Variants in SOX6 observed in about 807,000 individuals in gnomAD.
SOX6 encodes the protein transcription factor SOX-6.
Under a neutral mutation model 97.8 loss-of-function variants are expected in SOX6, and 11 were observed. The observed-to-expected ratio is 0.11, with a 90% CI of 0.07 to 0.19. SOX6 has a LOEUF of 0.19. Ranked by LOEUF, SOX6 falls within the 10% of genes least tolerant of loss-of-function variation. The pLI is 1.00. For synonymous variants in SOX6, 360 were observed against 371.4 expected, an observed-to-expected ratio of 0.97 and a Z score of 0.35; for missense variants, 810 against 1,039.5, an observed-to-expected ratio of 0.78 and a Z score of 3.04.
intron 1 of SOX6, among the ~76,000 whole-genome samples, chr11:16,475,843 G>A (rs1234720184): frequency 1.3e-5 from 2 of 152,050 alleles, no homozygotes; most frequent in African/African-American, 2.4e-5. Context: ...AATAAAACGA[G>A]GTATGCCTGT....
rs80141882 is a variant in SOX6, at chr11:15,978,591, C to T, written c.2184-5479G>A. On this transcript the variant is annotated intron_variant, in intron 15 of 15. Coordinates refer to ENST00000683767, the MANE Select transcript of SOX6 (RefSeq NM_001367873.1). ...GCACCGAAGTCCCCATGGATTGAGT[C>T]CTTGCTTCTTCTCTTCTCTATCTAA... 6.4e-3 allele frequency among the ~76,000 whole-genome samples: 965 copies of T among 151,478 alleles called. 5 individuals are homozygous for T. The highest frequency in any genetic ancestry group is 0.01 in the Non-Finnish European group (681 of 67,894).
intron 6 of SOX6, among the ~76,000 whole-genome samples, chr11:16,150,043 A>G (rs1302984227): frequency 6.6e-6 from 1 of 152,196 alleles, no homozygotes; most frequent in African/African-American, 2.4e-5. Flanking sequence ...TTATCTAGTT[A>G]CTTAATTCTA....
intron 3 of SOX6, among the ~76,000 whole-genome samples, chr11:16,277,665 C>A (rs1854439266): frequency 2.0e-5 from 3 of 152,204 alleles, no homozygotes; most frequent in Admixed American, 2.0e-4. Flanking sequence ...CCTATAGCTG[C>A]TCCAAAGACT....
At chr11:16,518,462 C>A (rs145576426) in intron 4 of SOX6, among the ~76,000 whole-genome samples, 1 of 152,136 alleles carries the variant, frequency 6.6e-6, no homozygotes, top group Admixed American at 6.5e-5. Context: ...CTTTATATTA[C>A]AATAATTTAT....
intron 3 of SOX6, among the ~76,000 whole-genome samples, chr11:16,252,983 T>A (rs1853561791): frequency 6.6e-6 from 1 of 152,138 alleles, no homozygotes; most frequent in African/African-American, 2.4e-5. Flanking sequence ...ACGGTTCCTT[T>A]TACCCAGTAC....
Position 16,481,981 on chromosome 11 carries a change from C to T in SOX6, n.610-5593G>A, listed in dbSNP as rs554709722. 2.0e-5 allele frequency among the ~76,000 whole-genome samples: 3 copies of T among 152,164 alleles called. No individual in the cohort carries two copies. The East Asian group carries it at 5.8e-4, about 29-fold the overall frequency. ...AAAAAGAGAGAGAAAACTAACATTGCTTTACATCTTTGCAAATCTCTCAAA... is the reference window on the plus strand; with the variant it reads ...AAAAAGAGAGAGAAAACTAACATTGTTTTACATCTTTGCAAATCTCTCAAA... On this transcript the variant is annotated intron_variant and non_coding_transcript_variant, in intron 4 of 5. Transcript: ENST00000524520.
intron 4 of SOX6, among the ~76,000 whole-genome samples, chr11:16,497,040 G>A (rs117563748): frequency 0.019 from 2,874 of 152,204 alleles, 40 homozygotes; most frequent in Non-Finnish European, 0.03. Context: ...TCTCTGACAC[G>A]CGAGTAGCCT....
chr11:16,172,436 AT>A (rs1333831293), intron 6 of SOX6, among the ~76,000 whole-genome samples: 3 of 151,882 alleles, frequency 2.0e-5, no homozygotes, highest in Non-Finnish European at 2.9e-5. Flanking sequence ...TCTTAAATGT[AT>A]TTTTCTAAAA....
At chr11:16,485,596 T>C (rs1193927530) in intron 4 of SOX6, among the ~76,000 whole-genome samples, 1 of 151,590 alleles carries the variant, frequency 6.6e-6, no homozygotes, top group Admixed American at 6.6e-5. Context: ...CTGGGCATGG[T>C]GGCACGTGGC....
chr11:16,281,944 CAA>C (rs1416483567), intron 3 of SOX6, among the ~76,000 whole-genome samples: 1 of 147,000 alleles, frequency 6.8e-6, no homozygotes, highest in Admixed American at 6.9e-5. Context: ...GTTATATACA[CAA>C]GTTATTATAT....
At chr11:16,171,442 G>A (rs753954506) in intron 6 of SOX6, among the ~76,000 whole-genome samples, 1 of 151,830 alleles carries the variant, frequency 6.6e-6, no homozygotes, top group Non-Finnish European at 1.5e-5. Context: ...AACACAGAAC[G>A]GTACACGTGT....
intron 9 of SOX6, among the ~76,000 whole-genome samples, chr11:16,091,134 G>A (rs1292762897): frequency 6.6e-6 from 1 of 152,012 alleles, no homozygotes; most frequent in Non-Finnish European, 1.5e-5. Context: ...AAGCCTAGTT[G>A]TAATGGTCCT....
At chr11:16,235,411 A>G (rs1416399727) in intron 3 of SOX6, among the ~76,000 whole-genome samples, 2 of 152,084 alleles carry the variant, frequency 1.3e-5, no homozygotes, top group Non-Finnish European at 2.9e-5. Context: ...GAATGTCTTG[A>G]TAATTACCAA....
intron 3 of SOX6, among the ~76,000 whole-genome samples, chr11:16,283,214 A>C (rs1854630585): frequency 6.7e-6 from 1 of 149,476 alleles, no homozygotes; most frequent in African/African-American, 2.4e-5. Flanking sequence ...ACCACATTTC[A>C]AGTAGTAGAT....
chr11:16,229,916 A>T (rs1306400496), intron 4 of SOX6, among the ~76,000 whole-genome samples: 3 of 151,798 alleles, frequency 2.0e-5, no homozygotes, highest in Admixed American at 2.0e-4. Context: ...ACTGCTACTA[A>T]AAAATTAACA....
At chr11:16,622,495 C>T (rs934587345) in intron 3 of SOX6, among the ~76,000 whole-genome samples, 4 of 152,194 alleles carry the variant, frequency 2.6e-5, no homozygotes, top group Non-Finnish European at 4.4e-5. Flanking sequence ...GCTTAGTTCC[C>T]ACTTATGAGT....
At chr11:16,497,378 A>G (rs1860619179) in intron 4 of SOX6, among the ~76,000 whole-genome samples, 1 of 152,208 alleles carries the variant, frequency 6.6e-6, no homozygotes, top group Admixed American at 6.5e-5. Context: ...AAAACAGAGC[A>G]GAAAAACTGG....
intron 1 of SOX6, among the ~76,000 whole-genome samples, chr11:16,372,512 T>A (rs1289575818): frequency 6.6e-6 from 1 of 151,986 alleles, no homozygotes; most frequent in Non-Finnish European, 1.5e-5. Context: ...TAACAGAGAC[T>A]TCAGTTGACG....
chr11:16,402,621 C>A (rs769951179), intron 1 of SOX6: 27 of 1,561,948 alleles, frequency 1.7e-5, no homozygotes, highest in Non-Finnish European at 2.3e-5. Context: ...ACTGAAGTTA[C>A]CCTTTCATTT....
Sources: gnomAD v4.1 joint callset for allele counts (sites outside exome capture counted in the v4.1 genomes callset) on GRCh38, gnomAD v4.1.1 for gene constraint, MANE v1.5 for transcripts, NCBI Gene and HGNC (gene_info 2026-07-23, HGNC 2026-07-21) for gene names.